Variants in SLC22A15 observed in about 807,000 individuals in gnomAD.
SLC22A15 encodes flipt 1.
Under a neutral mutation model 62.7 loss-of-function variants are expected in SLC22A15, and 45 were observed. The observed-to-expected ratio is 0.72, with a 90% CI of 0.56 to 0.92. The LOEUF is 0.92. Ranked by LOEUF, SLC22A15 falls within the 40% of genes least tolerant of loss-of-function variation. The pLI is 0.00. For missense variants in SLC22A15, 622 were observed against 665.6 expected, an observed-to-expected ratio of 0.93 and a Z score of 0.72; for synonymous variants, 264 against 267.0, an observed-to-expected ratio of 0.99 and a Z score of 0.11.
chr1:116,057,800 C>T (rs1457041160), intron 8 of SLC22A15, among the ~76,000 whole-genome samples: 2 of 151,944 alleles, frequency 1.3e-5, no homozygotes, highest in Non-Finnish European at 2.9e-5. Context: ...AGTAAACTAT[C>T]GCAAGGACAA....
At chr1:115,983,614 C>G (rs534996739) in intron 1 of SLC22A15, among the ~76,000 whole-genome samples, 1 of 152,076 alleles carries the variant, frequency 6.6e-6, no homozygotes, top group East Asian at 1.9e-4. Context: ...GACAGGCAGT[C>G]GAGAAGGGAA....
intron 1 of SLC22A15, among the ~76,000 whole-genome samples, chr1:115,977,024 T>C (rs1324143529): frequency 6.6e-6 from 1 of 152,192 alleles, no homozygotes; most frequent in Non-Finnish European, 1.5e-5. Flanking sequence ...TAAGGAGGGA[T>C]GCAAAATTGT....
At chr1:116,017,154 T>A (rs918926520) in intron 2 of SLC22A15, among the ~76,000 whole-genome samples, 5 of 150,142 alleles carry the variant, frequency 3.3e-5, no homozygotes, top group Non-Finnish European at 7.4e-5. Flanking sequence ...CCCCGAAGAG[T>A]TTTTTTGTGG....
In SLC22A15 at chr1:116,032,539, A is replaced by C. The variant is rs185374134; in HGVS notation, c.944+958A>C. ...CAAAGAATAGTAGCTTTAGAATAAG[A>C]AGCTGCAAAGATATTTTTCTATATC... On this transcript the variant is annotated intron_variant, in intron 6 of 11. Coordinates refer to ENST00000369503, the MANE Select transcript of SLC22A15 (RefSeq NM_018420.3). 1.1e-5 allele frequency: 11 copies of C among 985,388 alleles called. No homozygotes were observed. The East Asian group carries it at 1.0e-3, about 92-fold the overall frequency. 61.0% of individuals were successfully genotyped at this position (985,388 alleles called of 1,614,324 possible).
intron 9 of SLC22A15, among the ~76,000 whole-genome samples, chr1:116,063,970 T>G (rs1658440482): frequency 6.6e-6 from 1 of 152,172 alleles, no homozygotes; most frequent in Non-Finnish European, 1.5e-5. Flanking sequence ...TTAGTTGAGT[T>G]TAAATAAATG....
In SLC22A15 at chr1:116,060,164, A is replaced by G. The variant is rs1264202498; in HGVS notation, c.1172-2598A>G. ...CCAGGACAAACAGCCCAGCAGCCCC[A>G]CAGGCAGGAGTCCCAGAAAGAAAAA... On this transcript the variant is annotated intron_variant, in intron 8 of 11. Transcript: ENST00000369503. Among the ~76,000 whole-genome samples, 3 of 152,358 alleles carry G rather than the reference A, an allele frequency of 2.0e-5. No individual in the cohort carries two copies. The East Asian group carries it at 5.8e-4, about 29-fold the overall frequency.
intron 1 of SLC22A15, 82 bp downstream of exon 1, chr1:115,976,796 G>T (rs1654316992): frequency 1.6e-5 from 18 of 1,101,574 alleles, no homozygotes; most frequent in Non-Finnish European, 2.2e-5. Context: ...CCAGACCGCC[G>T]GGGCCGGGGC....
intron 1 of SLC22A15, among the ~76,000 whole-genome samples, chr1:115,977,887 T>C (rs1195274869): frequency 6.6e-6 from 1 of 152,196 alleles, no homozygotes; most frequent in African/African-American, 2.4e-5. Flanking sequence ...GGAAGTTCAG[T>C]TGATTTCATC....
At chr1:115,991,524 T>C (rs1260871122) in intron 1 of SLC22A15, among the ~76,000 whole-genome samples, 3 of 152,226 alleles carry the variant, frequency 2.0e-5, no homozygotes, top group African/African-American at 7.2e-5. Context: ...CCTGCTTTAG[T>C]AAAACAATAC....
chr1:116,037,786 C>T (rs537399826), intron 8 of SLC22A15, among the ~76,000 whole-genome samples: 5 of 152,166 alleles, frequency 3.3e-5, no homozygotes, highest in Non-Finnish European at 7.4e-5. Context: ...TCAAAGGTGG[C>T]TTTGGTACCC....
At chr1:115,980,553 G>GA (rs950187316) in intron 1 of SLC22A15, among the ~76,000 whole-genome samples, 1 of 151,284 alleles carries the variant, frequency 6.6e-6, no homozygotes, top group South Asian at 2.1e-4. Flanking sequence ...AATGTTAAGT[G>GA]AAAAAAAAGC....
chr1:116,041,515 A>G (rs1362431037), intron 8 of SLC22A15, among the ~76,000 whole-genome samples: 1 of 152,226 alleles, frequency 6.6e-6, no homozygotes, highest in Non-Finnish European at 1.5e-5. Context: ...CAGACTGCAT[A>G]GGACAGGCAA....
chr1:116,032,703 C>T, intron 6 of SLC22A15: 2 of 930,626 alleles, frequency 2.1e-6, no homozygotes, highest in Non-Finnish European at 2.6e-6. Context: ...GGCTTGGAGG[C>T]ATGGAGATTA....
chr1:116,053,075 G>C (rs1287261014), intron 8 of SLC22A15, among the ~76,000 whole-genome samples: 2 of 152,170 alleles, frequency 1.3e-5, no homozygotes, highest in African/African-American at 4.8e-5. Flanking sequence ...TTGATGAGTT[G>C]AGAGAAGGCT....
At chr1:116,007,706 C>T (rs937805375) in intron 2 of SLC22A15, among the ~76,000 whole-genome samples, 1 of 152,174 alleles carries the variant, frequency 6.6e-6, no homozygotes, top group Non-Finnish European at 1.5e-5. Flanking sequence ...CAACCCCACT[C>T]TATTAGTGAA....
At chr1:116,003,698 T>C (rs1655844260) in intron 2 of SLC22A15, among the ~76,000 whole-genome samples, 1 of 152,084 alleles carries the variant, frequency 6.6e-6, no homozygotes, top group African/African-American at 2.4e-5. Context: ...TTTCTGTGGG[T>C]TGGGGGAAGG....
chr1:116,011,620 G>A (rs1182842619), intron 2 of SLC22A15, among the ~76,000 whole-genome samples: 4 of 152,208 alleles, frequency 2.6e-5, no homozygotes, highest in Admixed American at 1.3e-4. Context: ...GAATCTCACA[G>A]CATCATAGGG....
intron 2 of SLC22A15, among the ~76,000 whole-genome samples, chr1:116,012,956 C>T (rs140935146): frequency 3.2e-4 from 49 of 152,308 alleles, no homozygotes; most frequent in African/African-American, 1.2e-3. Context: ...ATATTATTCT[C>T]TACAGTGCTC....
Position 116,067,253 on chromosome 1 carries a change from T to C in SLC22A15, c.*145T>C. Reference sequence around the variant, plus strand: ...ATGGTACCTGGCATGGACTGATGTTTTTAGGCACAGAAGTTGGAGAAGAGA... The same window carrying C: ...ATGGTACCTGGCATGGACTGATGTTCTTAGGCACAGAAGTTGGAGAAGAGA... On this transcript the variant is annotated 3_prime_UTR_variant, in exon 12 of 12. Transcript: ENST00000369503. 1.6e-6 allele frequency: 1 copy of C among 616,390 alleles called. No homozygotes were observed. Among genetic ancestry groups the C allele is most frequent in the Non-Finnish European group, 2.9e-6 (1 of 349,350 alleles). The allele number at this position is 616,390 out of a possible 1,614,324, so 38.2% of individuals were successfully genotyped here.
Sources: allele counts gnomAD v4.1 joint callset (sites outside exome capture counted in the v4.1 genomes callset), GRCh38; gene constraint gnomAD v4.1.1; transcripts MANE v1.5; gene names NCBI Gene and HGNC (gene_info 2026-07-23, HGNC 2026-07-21).